SH3GL3: variants seen among roughly 807,000 people sequenced by gnomAD.
The protein encoded by SH3GL3 is SH3 domain containing GRB2 like 3, endophilin A3.
Under a neutral mutation model 47.7 loss-of-function variants are expected in SH3GL3, and 33 were observed. The ratio of observed to expected loss-of-function variants is 0.69; its 90% CI spans 0.52 to 0.92. The LOEUF (loss-of-function observed/expected upper bound fraction) is 0.92. Ranked by LOEUF, SH3GL3 falls within the 40% of genes least tolerant of loss-of-function variation. SH3GL3 has a pLI of 0.00. For missense variants in SH3GL3, 363 were observed against 417.8 expected (o/e 0.87, Z 1.14); for synonymous variants, 155 against 148.8 (o/e 1.04, Z -0.30).
At chr15:83,594,578 G>A (rs911107467) in intron 8 of SH3GL3, among the ~76,000 whole-genome samples, 5 of 152,148 alleles carry the variant, frequency 3.3e-5, no homozygotes, top group African/African-American at 9.7e-5. Flanking sequence ...AGAATAGCAC[G>A]TTGCATTTAG....
chr15:83,470,381 C>T (rs749229807), intron 1 of SH3GL3, among the ~76,000 whole-genome samples: 2 of 152,082 alleles, frequency 1.3e-5, no homozygotes, highest in Admixed American at 6.6e-5. Context: ...TGCGCCACCA[C>T]GTCTGGCTAA....
intron 1 of SH3GL3, among the ~76,000 whole-genome samples, chr15:83,473,091 A>G (rs1022818295): frequency 6.6e-6 from 1 of 152,244 alleles, no homozygotes; most frequent in East Asian, 1.9e-4. Context: ...CAGCCTCATT[A>G]CCACCAGGTA....
At chr15:83,610,212 C>T (rs765571208) in intron 8 of SH3GL3, among the ~76,000 whole-genome samples, 8 of 152,200 alleles carry the variant, frequency 5.3e-5, no homozygotes, top group Non-Finnish European at 1.0e-4. Context: ...AGCTGATGGG[C>T]CACCCCATTG....
At chr15:83,506,762 T>A (rs974122480) in intron 1 of SH3GL3, among the ~76,000 whole-genome samples, 4 of 152,262 alleles carry the variant, frequency 2.6e-5, no homozygotes, top group African/African-American at 9.6e-5. Context: ...TCTAAGTTTT[T>A]AAAATTTTTT....
intron 6 of SH3GL3, among the ~76,000 whole-genome samples, chr15:83,581,143 A>G (rs1294086884): frequency 1.3e-5 from 2 of 152,192 alleles, no homozygotes; most frequent in Admixed American, 6.5e-5. Flanking sequence ...GAATGCCTCA[A>G]AAGAAACTGT....
At chr15:83,546,710 T>C (rs891121524) in intron 1 of SH3GL3, among the ~76,000 whole-genome samples, 5 of 151,966 alleles carry the variant, frequency 3.3e-5, no homozygotes, top group Non-Finnish European at 5.9e-5. Flanking sequence ...CAGATGGTGT[T>C]TATTCAAGGC....
At chr15:83,584,413 T>A in intron 6 of SH3GL3, among the ~76,000 whole-genome samples, 1 of 152,226 alleles carries the variant, frequency 6.6e-6, no homozygotes, top group Admixed American at 6.5e-5. Flanking sequence ...GTAACATATT[T>A]GCAGGTTTGG....
Position 83,601,404 on chromosome 15 carries a change from G to A in SH3GL3, c.838+12633G>A, listed in dbSNP as rs529683960. Among the ~76,000 whole-genome samples, 11 of 152,232 alleles carry A rather than the reference G, an allele frequency of 7.2e-5. No individual in the cohort carries two copies. In the East Asian group the frequency reaches 7.7e-4, roughly 11 times the overall value. ...CGATTTTGCTGAGGGTTTTAATCACGAAGGGATGCTGGATTCTGCAAATGC... is the reference window on the plus strand; with the variant it reads ...CGATTTTGCTGAGGGTTTTAATCACAAAGGGATGCTGGATTCTGCAAATGC... On this transcript the variant is annotated intron_variant, in intron 8 of 8. Transcript: ENST00000427482.
chr15:83,543,430 C>T (rs574050317), intron 1 of SH3GL3, among the ~76,000 whole-genome samples: 3 of 151,438 alleles, frequency 2.0e-5, no homozygotes, highest in South Asian at 4.2e-4. Context: ...TATATTGGCC[C>T]GTAGTTTTGT....
intron 1 of SH3GL3, among the ~76,000 whole-genome samples, chr15:83,463,767 C>CTTTTTTT (rs910419812): frequency 3.3e-5 from 4 of 122,916 alleles, no homozygotes; most frequent in Non-Finnish European, 3.3e-5. Flanking sequence ...TTCTTTCTTT[C>CTTTTTTT]TTTTTTTTTT....
chr15:83,488,485 C>T (rs1034270200), intron 1 of SH3GL3, among the ~76,000 whole-genome samples: 1 of 152,266 alleles, frequency 6.6e-6, no homozygotes, highest in South Asian at 2.1e-4. Flanking sequence ...AGGAGCAGTC[C>T]GTGGAGTCAG....
At chr15:83,457,407 C>T (rs1395820230) in intron 1 of SH3GL3, among the ~76,000 whole-genome samples, 1 of 152,214 alleles carries the variant, frequency 6.6e-6, no homozygotes, top group Non-Finnish European at 1.5e-5. Flanking sequence ...GAAGGGGAGC[C>T]TCTAACACAG....
chr15:83,570,851 T>C (rs2045780058), intron 4 of SH3GL3, among the ~76,000 whole-genome samples: 1 of 152,244 alleles, frequency 6.6e-6, no homozygotes, highest in Non-Finnish European at 1.5e-5. Flanking sequence ...CAAGATGGCC[T>C]ATTTCTTACT....
At position 83,587,071 on chromosome 15, in the gene SH3GL3, G is replaced by A. The variant is rs2151803894; in HGVS notation, c.713G>A (p.Ser238Asn). 4 of 1,595,142 alleles carry A rather than the reference G, an allele frequency of 2.5e-6. No individual in the cohort carries two copies. Among genetic ancestry groups the A allele is most frequent in the Non-Finnish European group, 3.4e-6 (4 of 1,165,460 alleles). The change falls in exon 7 of 9, where the codon AGC becomes AAC. Residue 238 changes from serine to asparagine, a missense_variant. Physicochemically the swap from Ser to Asn is conservative, Grantham distance 46. Transcript: ENST00000427482. ...ACAGAGATTCTGCAGGAGCTGCAGA[G>A]CAAGCTACAGATGCGGTAAGCACCT... The part of the protein sequence containing the change: ...QSTEILQELQ[S>N]KLQMRISAAS...
At chr15:83,540,220 G>T (rs183227759) in intron 1 of SH3GL3, among the ~76,000 whole-genome samples, 10 of 151,962 alleles carry the variant, frequency 6.6e-5, no homozygotes, top group Non-Finnish European at 1.5e-4. Context: ...TTGTGATTCC[G>T]CATATGGTCT....
At chr15:83,604,513 G>A (rs1178656257) in intron 8 of SH3GL3, among the ~76,000 whole-genome samples, 1 of 152,170 alleles carries the variant, frequency 6.6e-6, no homozygotes, top group African/African-American at 2.4e-5. Flanking sequence ...GCCTTTGAGG[G>A]CCAACAGTAT....
chr15:83,497,393 G>A (rs2042124471), intron 1 of SH3GL3, among the ~76,000 whole-genome samples: 3 of 152,030 alleles, frequency 2.0e-5, no homozygotes, highest in South Asian at 4.2e-4. Context: ...CTTCTTCCAC[G>A]CCCCCCTTCT....
intron 6 of SH3GL3, among the ~76,000 whole-genome samples, chr15:83,586,120 C>T (rs975989489): frequency 1.3e-5 from 2 of 152,202 alleles, no homozygotes; most frequent in Non-Finnish European, 2.9e-5. Context: ...TGGATTCTTG[C>T]TGGGGGAGGC....
chr15:83,472,154 G>T (rs532502124), intron 1 of SH3GL3, among the ~76,000 whole-genome samples: 53 of 152,332 alleles, frequency 3.5e-4, no homozygotes, highest in Non-Finnish European at 3.7e-4. Context: ...AAAGTGCTGG[G>T]ATTACAGGCG....
Sources: allele counts gnomAD v4.1 joint callset (sites outside exome capture counted in the v4.1 genomes callset), GRCh38; gene constraint gnomAD v4.1.1; transcripts MANE v1.5; gene names NCBI Gene and HGNC (gene_info 2026-07-23, HGNC 2026-07-21).